Variants in TPO observed in about 807,000 individuals in gnomAD.
TPO encodes the protein thyroid peroxidase, also known as thyroid microsomal antigen.
TPO carries 78 observed loss-of-function variants against 96.9 expected under a neutral mutation model. The observed-to-expected ratio is 0.81, with a 90% CI of 0.67 to 0.97. TPO has a LOEUF of 0.97. Ranked by LOEUF, TPO falls within the 50% of genes least tolerant of loss-of-function variation. TPO has a pLI of 0.00. For synonymous variants in TPO, 547 were observed against 538.0 expected (o/e 1.02, Z -0.23); for missense variants, 1,252 against 1,274.8 (o/e 0.98, Z 0.27).
rs918340663 is a variant in TPO, at chr2:1,413,494, T to TA, written c.-52dup. On this transcript the variant is annotated 5_prime_UTR_variant, in exon 1 of 17. Coordinates refer to ENST00000329066, the MANE Select transcript of TPO (RefSeq NM_001206744.2). ...ATTAAGGCGCCCATTTCAGAAGAGT[T>TA]ACAGCCGTGAAAATTACTCAGCAGT... 3.2e-5 allele frequency: 6 copies of TA among 189,258 alleles called. No individual in the cohort carries two copies. The highest frequency in any genetic ancestry group is 1.2e-4 in the African/African-American group (5 of 42,032). The allele number at this position is 189,258 out of a possible 1,614,324, so 11.7% of individuals were successfully genotyped here. A position where few individuals can be genotyped will look rare whatever the true frequency, so the allele number is the denominator to read the frequency against.
At position 1,478,181 on chromosome 2, in the gene TPO, CAT is replaced by C. The variant is rs919568254; in HGVS notation, c.1338+578_1338+579del. The C allele has an allele frequency of 3.8e-5, 37 of 985,446 alleles. No individual in the cohort carries two copies. In the South Asian group the frequency reaches 4.7e-4, roughly 13 times the overall value. The allele number at this position is 985,446 out of a possible 1,614,324, so 61.0% of individuals were successfully genotyped here. A position where few individuals can be genotyped will look rare whatever the true frequency, so the allele number is the denominator to read the frequency against. ...CATTTTATGACTTTCTTAAGTATCA[CAT>C]GAGAGGGTCTTGAATGGAGAGTCAA... On this transcript the variant is annotated intron_variant, in intron 8 of 16. Coordinates refer to ENST00000329066, the MANE Select transcript of TPO (RefSeq NM_001206744.2).
At chr2:1,479,961 T>TAATA (rs1226816037) in intron 8 of TPO, among the ~76,000 whole-genome samples, 1 of 152,154 alleles carries the variant, frequency 6.6e-6, no homozygotes, top group Non-Finnish European at 1.5e-5. Context: ...TTTATATTTT[T>TAATA]AATAGACATG....
chr2:1,539,931 T>C (rs1324562480), intron 15 of TPO, among the ~76,000 whole-genome samples: 1 of 152,118 alleles, frequency 6.6e-6, no homozygotes, highest in East Asian at 1.9e-4. Context: ...CTGGAAAATA[T>C]AGTAGCTGTT....
At chr2:1,526,978 T>TC (rs1327667639) in intron 15 of TPO, among the ~76,000 whole-genome samples, 3 of 108,986 alleles carry the variant, frequency 2.8e-5, no homozygotes, top group African/African-American at 7.7e-5. Context: ...CCTACTCAAA[T>TC]CCCCACACTG....
chr2:1,444,754 G>A (rs79524318), intron 5 of TPO, among the ~76,000 whole-genome samples: 1 of 11,438 alleles, frequency 8.7e-5, no homozygotes, highest in Non-Finnish European at 2.1e-4. Flanking sequence ...AGGAGGCACT[G>A]TGTTGGAAGG....
intron 9 of TPO, among the ~76,000 whole-genome samples, chr2:1,485,551 T>TC (rs1470602791): frequency 6.6e-6 from 1 of 151,650 alleles, no homozygotes; most frequent in African/African-American, 2.4e-5. Flanking sequence ...TTTCTCCACA[T>TC]CCTCTCCAGC....
intron 3 of TPO, among the ~76,000 whole-genome samples, chr2:1,428,961 G>C (rs1664710496): frequency 6.6e-6 from 1 of 152,080 alleles, no homozygotes; most frequent in African/African-American, 2.4e-5. Flanking sequence ...TAATGTGTTA[G>C]TTGTAAGTAG....
chr2:1,390,027 T>C (rs1661976088), intron 1 of TPO, among the ~76,000 whole-genome samples: 1 of 151,996 alleles, frequency 6.6e-6, no homozygotes, highest in African/African-American at 2.4e-5. Context: ...TTCTTTTTTT[T>C]TTTTTTTAAT....
chr2:1,538,805 C>CAGAAG (rs1680378161), intron 15 of TPO, among the ~76,000 whole-genome samples: 1 of 152,102 alleles, frequency 6.6e-6, no homozygotes, highest in Non-Finnish European at 1.5e-5. Context: ...TTCTGGAGAC[C>CAGAAG]AGAAGAGCAA....
At chr2:1,504,312 C>T (rs991274846) in intron 14 of TPO, among the ~76,000 whole-genome samples, 1 of 152,152 alleles carries the variant, frequency 6.6e-6, no homozygotes, top group Non-Finnish European at 1.5e-5. Context: ...AGGCTGGGGA[C>T]GGCAGCCAGA....
rs200925336 is a variant in TPO at position 1,540,743 on chromosome 2, A to G, written c.2748+20A>G. The G allele has an allele frequency of 2.5e-5, 41 of 1,613,206 alleles. No homozygotes were observed. The highest frequency in any genetic ancestry group is 1.8e-4 in the Admixed American group (11 of 60,018). On this transcript the variant is annotated intron_variant, in intron 16 of 16. Coordinates refer to ENST00000329066, the MANE Select transcript of TPO (RefSeq NM_001206744.2). The stretch of plus-strand genomic sequence containing the variant: ...GAGCAGGTGGGCCACACCATGCCGC[A>G]TGTTTCCAGCTGCCACCGCAGTGGT...
chr2:1,470,914 T>G (rs1005584343), intron 7 of TPO, among the ~76,000 whole-genome samples: 1 of 152,232 alleles, frequency 6.6e-6, no homozygotes, highest in African/African-American at 2.4e-5. Flanking sequence ...GCTACACTGG[T>G]AGATTTCCAA....
At position 1,429,325 on chromosome 2, in the gene TPO, T is replaced by C. The variant is rs552982456; in HGVS notation, c.180-4113T>C. On this transcript the variant is annotated intron_variant, in intron 3 of 16. Transcript: ENST00000329066. ...AGAAGCCAGGCAGGTGCAGGAGCCA[T>C]GCTTATATAGCCAGAAGAACCGTGA... 1.4e-4 allele frequency among the ~76,000 whole-genome samples: 21 copies of C among 152,324 alleles called. No individual in the cohort carries two copies. In the South Asian group the frequency reaches 3.7e-3, roughly 27 times the overall value.
At chr2:1,392,387 G>T (rs1662015826) in intron 1 of TPO, among the ~76,000 whole-genome samples, 1 of 152,166 alleles carries the variant, frequency 6.6e-6, no homozygotes, top group Non-Finnish European at 1.5e-5. Flanking sequence ...TTTTTAATGT[G>T]CTGCTGGATT....
At chr2:1,376,061 G>A (rs572713916) in intron 1 of TPO, among the ~76,000 whole-genome samples, 11 of 152,326 alleles carry the variant, frequency 7.2e-5, no homozygotes, top group African/African-American at 2.4e-4. Flanking sequence ...CACGTGCATC[G>A]TGGTAATTCC....
rs1411377455 is a variant in TPO at position 1,477,335 on chromosome 2, C to T, written c.1069C>T (p.Arg357Trp). ...GCTGCTCCGCGTCCACGCGCGCCTC[C>T]GGGACTCCGGCCGCGCCTACCTGCC... ...EGLLRVHARL[R>W]DSGRAYLPFV... is the part of the protein sequence containing the mutation. Residue 357 changes from arginine to tryptophan, a missense_variant, in exon 8 of 17, where the codon CGG becomes TGG. Arg to Trp is a moderately radical substitution (Grantham distance 101). Coordinates refer to ENST00000329066, the MANE Select transcript of TPO (RefSeq NM_001206744.2). The T allele has an allele frequency of 1.3e-6, 2 of 1,558,958 alleles. No homozygotes were observed. Among genetic ancestry groups the T allele is most frequent in the South Asian group, 1.2e-5 (1 of 85,062 alleles).
chr2:1,423,453 A>C (rs919092871), intron 3 of TPO, among the ~76,000 whole-genome samples: 1 of 152,200 alleles, frequency 6.6e-6, no homozygotes, highest in East Asian at 1.9e-4. Context: ...AAGGAGGAAA[A>C]GAGAGACCTA....
chr2:1,392,858 T>G (rs1302698291), intron 1 of TPO, among the ~76,000 whole-genome samples: 2 of 152,230 alleles, frequency 1.3e-5, no homozygotes, highest in Non-Finnish European at 2.9e-5. Flanking sequence ...TATCATTTTT[T>G]ATTGCATCTA....
chr2:1,422,993 T>G lies in TPO; in HGVS notation c.95-52T>G, dbSNP rs28909371. The G allele has an allele frequency of 2.3e-3, 3,721 of 1,585,738 alleles. 30 individuals are homozygous for G. Among genetic ancestry groups the G allele is most frequent in the East Asian group, 0.014 (612 of 44,668 alleles). ...TTGAGGAACAAAGCAACACTGTCAG[T>G]GAATCGCTGAACTGTCATTGCGCTT... On this transcript the variant is annotated intron_variant, in intron 2 of 16. Transcript: ENST00000329066.
Sources: gnomAD v4.1 joint callset for allele counts (sites outside exome capture counted in the v4.1 genomes callset) on GRCh38, gnomAD v4.1.1 for gene constraint, MANE v1.5 for transcripts, NCBI Gene and HGNC (gene_info 2026-07-23, HGNC 2026-07-21) for gene names.